FOXP1: variants seen among roughly 807,000 people sequenced by gnomAD.
FOXP1 encodes the protein forkhead box P1.
In FOXP1, 15 loss-of-function variants were observed where a neutral mutation model predicts 98.2. The ratio of observed to expected loss-of-function variants is 0.15; its 90% confidence interval spans 0.10 to 0.24. The LOEUF (loss-of-function observed/expected upper bound fraction) is 0.24. Ranked by LOEUF, FOXP1 falls within the 10% of genes least tolerant of loss-of-function variation. The probability of loss-of-function intolerance (pLI) is 1.00; values close to 1 mark genes in which losing one functional copy is unlikely to be tolerated. For missense variants in FOXP1, 633 were observed against 848.5 expected (o/e 0.75, Z 3.15); for synonymous variants, 371 against 314.5 (o/e 1.18, Z -1.90).
rs1363351929 is a variant in FOXP1, at chr3:71,493,916, TAA to T, written c.-297-363_-297-362del. ...CACAGATAAATGTACCATTCCCTAT[TAA>T]GTTATGATCTTTTTCGAAGAACAAA... On this transcript the variant is annotated intron_variant, in intron 2 of 20. Transcript: ENST00000649528. Among the ~76,000 whole-genome samples the T allele has an allele frequency of 2.6e-5, 4 of 152,168 alleles. No individual in the cohort carries two copies. In the East Asian group the frequency reaches 5.8e-4, roughly 22 times the overall value.
chr3:71,532,515 G>A (rs1368197442), intron 2 of FOXP1, among the ~76,000 whole-genome samples: 2 of 152,192 alleles, frequency 1.3e-5, no homozygotes, highest in African/African-American at 4.8e-5. Flanking sequence ...CTGTTGGCAA[G>A]ACAGGTCCTA....
chr3:71,381,683 A>G (rs2080192542), intron 3 of FOXP1, among the ~76,000 whole-genome samples: 1 of 151,878 alleles, frequency 6.6e-6, no homozygotes, highest in South Asian at 2.1e-4. Context: ...GGCTCAAGCA[A>G]TCCACCCACC....
intron 4 of FOXP1, chr3:71,302,832 G>C (rs2107576604): frequency 6.6e-6 from 1 of 152,130 alleles, no homozygotes; most frequent in South Asian, 2.1e-4. Context: ...CCATGTCCAG[G>C]ACACCAAATT....
chr3:71,244,079 C>T lies in FOXP1; in HGVS notation c.-11-45687G>A, dbSNP rs148438352. Among the ~76,000 whole-genome samples the T allele has an allele frequency of 1.3e-3, 200 of 152,242 alleles. 2 individuals carry two copies. Among genetic ancestry groups the T allele is most frequent in the Middle Eastern group, 3.4e-3 (1 of 294 alleles). ...AAATCTGTTATTTAATTTTGATAAACTCAATACAGTCCCTCATCAGGGAAT... is the reference window on the plus strand; with the variant it reads ...AAATCTGTTATTTAATTTTGATAAATTCAATACAGTCCCTCATCAGGGAAT... On this transcript the variant is annotated intron_variant, in intron 5 of 20. Coordinates refer to ENST00000649528, the MANE Select transcript of FOXP1 (RefSeq NM_001349338.3).
chr3:71,571,493 C>G (rs2047337846), intron 2 of FOXP1: 1 of 152,148 alleles, frequency 6.6e-6, no homozygotes, highest in Admixed American at 6.5e-5. Flanking sequence ...TACTGAGTAT[C>G]TGATATTCTT....
At chr3:71,071,784 G>C (rs1327616788) in intron 7 of FOXP1, among the ~76,000 whole-genome samples, 1 of 152,020 alleles carries the variant, frequency 6.6e-6, no homozygotes, top group African/African-American at 2.4e-5. Context: ...ATGTTGCCCA[G>C]ACTGGTCTCA....
chr3:71,531,516 A>C (rs768704861), intron 2 of FOXP1, among the ~76,000 whole-genome samples: 1 of 152,208 alleles, frequency 6.6e-6, no homozygotes, highest in Non-Finnish European at 1.5e-5. Flanking sequence ...AAAAAAAAAG[A>C]AGGAAGGAAA....
chr3:71,134,048 G>A (rs889289923), intron 6 of FOXP1, among the ~76,000 whole-genome samples: 2 of 152,060 alleles, frequency 1.3e-5, no homozygotes, highest in African/African-American at 4.8e-5. Flanking sequence ...CCCCATTTAT[G>A]GAATTCTTGA....
intron 3 of FOXP1, among the ~76,000 whole-genome samples, chr3:71,488,822 A>C (rs886484290): frequency 1.3e-5 from 2 of 152,288 alleles, no homozygotes; most frequent in Admixed American, 1.3e-4. Context: ...GGTGTGAGTG[A>C]AGATCTGTAT....
intron 2 of FOXP1, among the ~76,000 whole-genome samples, chr3:71,577,854 T>C (rs1332067087): frequency 6.6e-6 from 1 of 152,162 alleles, no homozygotes; most frequent in East Asian, 1.9e-4. Flanking sequence ...TTCACCTGTC[T>C]ATTCAGCAGA....
At chr3:71,212,741 G>A (rs1489817570) in intron 5 of FOXP1, among the ~76,000 whole-genome samples, 1 of 152,090 alleles carries the variant, frequency 6.6e-6, no homozygotes, top group Non-Finnish European at 1.5e-5. Context: ...TTGTAATGGA[G>A]TGCCACTGAT....
intron 5 of FOXP1, among the ~76,000 whole-genome samples, chr3:71,278,300 G>C (rs2107370035): frequency 6.6e-6 from 1 of 152,266 alleles, no homozygotes; most frequent in South Asian, 2.1e-4. Flanking sequence ...AATTAAAAAG[G>C]AGTAAGAGAG....
intron 6 of FOXP1, among the ~76,000 whole-genome samples, chr3:71,151,947 C>A (rs933837334): frequency 6.6e-6 from 1 of 152,136 alleles, no homozygotes; most frequent in Non-Finnish European, 1.5e-5. Flanking sequence ...TGAGTATGGG[C>A]AGGATCCATG....
At chr3:71,196,967 A>G (rs759920940) in intron 6 of FOXP1, among the ~76,000 whole-genome samples, 4 of 152,184 alleles carry the variant, frequency 2.6e-5, no homozygotes, top group Non-Finnish European at 4.4e-5. Context: ...CTTTCTCCCA[A>G]CAGGTTCCAC....
intron 11 of FOXP1, among the ~76,000 whole-genome samples, chr3:71,029,237 C>T (rs1343161044): frequency 6.6e-6 from 1 of 152,184 alleles, no homozygotes; most frequent in African/African-American, 2.4e-5. Context: ...TTAGGGCCTA[C>T]TATATGCCAG....
intron 6 of FOXP1, among the ~76,000 whole-genome samples, chr3:71,129,977 C>T (rs562048117): frequency 2.0e-5 from 3 of 152,290 alleles, no homozygotes; most frequent in African/African-American, 7.2e-5. Context: ...AATGACCGTG[C>T]GTGTTTCAGC....
In FOXP1 at chr3:71,465,132, AC is replaced by A. The variant is rs1349313866; in HGVS notation, c.-168+28293del. On this transcript the variant is annotated intron_variant, in intron 3 of 20. Transcript: ENST00000649528. ...AGACCAGCCTGACCAACAAGGAGAAACCCCGTCTCTATTGAAAATACAAAAT... is the reference window on the plus strand; with the variant it reads ...AGACCAGCCTGACCAACAAGGAGAAACCCGTCTCTATTGAAAATACAAAAT... Among the ~76,000 whole-genome samples the A allele has an allele frequency of 2.0e-5, 3 of 151,930 alleles. No homozygotes were observed. In the East Asian group the frequency reaches 5.8e-4, roughly 30 times the overall value.
chr3:71,506,030 A>AGAC (rs1560579388), intron 2 of FOXP1, among the ~76,000 whole-genome samples: 1 of 152,246 alleles, frequency 6.6e-6, no homozygotes, highest in African/African-American at 2.4e-5. Context: ...TAACATTTCA[A>AGAC]GACAACAATA....
At chr3:71,257,871 G>A (rs2068766635) in intron 5 of FOXP1, among the ~76,000 whole-genome samples, 1 of 152,082 alleles carries the variant, frequency 6.6e-6, no homozygotes, top group African/African-American at 2.4e-5. Flanking sequence ...CATCTTTCTG[G>A]ACCTAAGTTT....
Sources: allele counts gnomAD v4.1 joint callset (sites outside exome capture counted in the v4.1 genomes callset), GRCh38; gene constraint gnomAD v4.1.1; transcripts MANE v1.5; gene names NCBI Gene and HGNC (gene_info 2026-07-23, HGNC 2026-07-21).